PLEKHA8: variants seen among roughly 807,000 people sequenced by gnomAD.
PLEKHA8 encodes the protein pleckstrin homology domain containing A8, also known as pleckstrin homology domain-containing family A member 8.
PLEKHA8 carries 36 observed loss-of-function variants against 68.2 expected under a neutral mutation model. The ratio of observed to expected loss-of-function variants is 0.53; its 90% CI spans 0.40 to 0.70. PLEKHA8 has a LOEUF of 0.70. PLEKHA8 is among the 30% of genes least tolerant of loss of function. The pLI is 0.00. For synonymous variants in PLEKHA8, 211 were observed against 216.1 expected (o/e 0.98, Z 0.20); for missense variants, 505 against 615.4 (o/e 0.82, Z 1.90).
chr7:30,039,653 G>A (rs1791372752), intron 1 of PLEKHA8, among the ~76,000 whole-genome samples: 1 of 152,042 alleles, frequency 6.6e-6, no homozygotes, highest in Non-Finnish European at 1.5e-5. Context: ...AATTTTAATT[G>A]TATGTTAGTC....
At chr7:30,089,139 C>T (rs1032698456), downstream of PLEKHA8, among the ~76,000 whole-genome samples, 2 of 152,296 alleles carry the variant, frequency 1.3e-5, no homozygotes, top group East Asian at 1.9e-4. Flanking sequence ...CTAGTAAAAG[C>T]CTCTATACAC....
Position 30,082,275 on chromosome 7 carries a change from T to A in PLEKHA8, c.*3488T>A. On this transcript the variant is annotated 3_prime_UTR_variant, in exon 14 of 14. Coordinates refer to ENST00000449726, the MANE Select transcript of PLEKHA8 (RefSeq NM_001197026.2). ...CAGCGTTGTTGCTTTTCTCTCTTCTTTGCTACTGAAAATTGCCAGCAGTAC... is the reference window on the plus strand; with the variant it reads ...CAGCGTTGTTGCTTTTCTCTCTTCTATGCTACTGAAAATTGCCAGCAGTAC... The A allele has an allele frequency of 2.0e-6, 2 of 985,524 alleles. No individual in the cohort carries two copies. The highest frequency in any genetic ancestry group is 2.4e-6 in the Non-Finnish European group (2 of 829,980). The allele number at this position is 985,524 out of a possible 1,614,324, so 61.0% of individuals were successfully genotyped here. A position where few individuals can be genotyped will look rare whatever the true frequency, so the allele number is the denominator to read the frequency against.
intron 13 of PLEKHA8, among the ~76,000 whole-genome samples, chr7:30,095,976 T>G (rs989525502): frequency 1.3e-5 from 2 of 152,222 alleles, no homozygotes; most frequent in African/African-American, 4.8e-5. Flanking sequence ...CCAGCTTTGT[T>G]TTTTTGGCTT....
At chr7:30,097,641 C>T (rs1044995863) in intron 13 of PLEKHA8, among the ~76,000 whole-genome samples, 4 of 152,188 alleles carry the variant, frequency 2.6e-5, no homozygotes, top group Admixed American at 6.5e-5. Flanking sequence ...CTTGTGCATT[C>T]GTCACATAGT....
At chr7:30,047,686 T>C in intron 3 of PLEKHA8, 146 bp from the exon 4 acceptor site, 2 of 784,644 alleles carry the variant, frequency 2.5e-6, no homozygotes, top group South Asian at 4.1e-5. Flanking sequence ...CCTGTCACAT[T>C]TGCAACCCAT....
At chr7:30,040,641 G>A (rs1276654549) in intron 1 of PLEKHA8, among the ~76,000 whole-genome samples, 1 of 152,190 alleles carries the variant, frequency 6.6e-6, no homozygotes, top group African/African-American at 2.4e-5. Context: ...CAATGGAAAA[G>A]TACTAGGTAA....
In PLEKHA8 at chr7:30,082,708, A is replaced by G. The variant is rs1290311301; in HGVS notation, c.*3921A>G. On this transcript the variant is annotated 3_prime_UTR_variant, in exon 14 of 14. Transcript: ENST00000449726. ...AAATAAGTAAAGTACATTTTTCTCC[A>G]CTAAATTTGAAGTGAGGGAAAGAGG... 1.0e-6 allele frequency: 1 copy of G among 985,252 alleles called. No individual in the cohort carries two copies. Among genetic ancestry groups the G allele is most frequent in the Non-Finnish European group, 1.2e-6 (1 of 829,762 alleles). The allele number at this position is 985,252 out of a possible 1,614,324, so 61.0% of individuals were successfully genotyped here.
intron 13 of PLEKHA8, among the ~76,000 whole-genome samples, chr7:30,119,439 T>C (rs1020863355): frequency 1.3e-5 from 2 of 152,206 alleles, no homozygotes; most frequent in African/African-American, 4.8e-5. Flanking sequence ...GCAGCTGTTA[T>C]TAAGATTGAG....
At chr7:30,037,710 A>G (rs140447051) in intron 1 of PLEKHA8, among the ~76,000 whole-genome samples, 164 of 152,148 alleles carry the variant, frequency 1.1e-3, no homozygotes, top group East Asian at 8.5e-3. Flanking sequence ...ACTTTTGGCT[A>G]ACTTTTCTAG....
intron 13 of PLEKHA8, among the ~76,000 whole-genome samples, chr7:30,120,277 G>A (rs1487208074): frequency 1.3e-5 from 2 of 152,076 alleles, no homozygotes; most frequent in Non-Finnish European, 2.9e-5. Flanking sequence ...TGAGAATGGG[G>A]CAGCCTCTAG....
intron 1 of PLEKHA8, among the ~76,000 whole-genome samples, chr7:30,040,263 CA>C (rs1394351303): frequency 1.3e-5 from 2 of 152,108 alleles, no homozygotes; most frequent in Non-Finnish European, 2.9e-5. Context: ...GTGGGCTGAT[CA>C]GGGGGTTCAA....
At chr7:30,115,633 CAT>C (rs896536099) in intron 13 of PLEKHA8, among the ~76,000 whole-genome samples, 30 of 151,496 alleles carry the variant, frequency 2.0e-4, no homozygotes, top group African/African-American at 7.0e-4. Flanking sequence ...TACATGTACA[CAT>C]ACATGCACAC....
chr7:30,115,732 G>A lies in PLEKHA8; in HGVS notation c.1363-13534G>A, dbSNP rs1043269789. Reference sequence around the variant, plus strand: ...TACATACGCGCATGCATGCATACACGTATACATGTATACATACGTGCACAT... The same window carrying A: ...TACATACGCGCATGCATGCATACACATATACATGTATACATACGTGCACAT... On this transcript the variant is annotated intron_variant, in intron 13 of 13. Coordinates refer to the PLEKHA8 transcript ENST00000396257. 6.0e-5 allele frequency: 7 copies of A among 116,356 alleles called. 1 individual carries two copies. The highest frequency in any genetic ancestry group is 1.9e-4 in the African/African-American group (6 of 31,420). 7.2% of individuals were successfully genotyped at this position (116,356 alleles called of 1,614,324 possible).
At chr7:30,054,274 TGCAAAAGTGCC>T (rs1409233764) in intron 7 of PLEKHA8, among the ~76,000 whole-genome samples, 1 of 152,192 alleles carries the variant, frequency 6.6e-6, no homozygotes, top group East Asian at 1.9e-4. Context: ...CACAAATGTC[TGCAAAAGTGCC>T]GCATGTATTG....
At chr7:30,052,660 A>AT in intron 6 of PLEKHA8, 49 bp from the exon 7 acceptor site, 1 of 1,384,366 alleles carries the variant, frequency 7.2e-7, no homozygotes, top group Non-Finnish European at 9.5e-7. Context: ...AAAAAAAAAA[A>AT]GACCAAATAA....
chr7:30,053,446 A>G (rs938187278), intron 7 of PLEKHA8, among the ~76,000 whole-genome samples: 1 of 152,206 alleles, frequency 6.6e-6, no homozygotes, highest in Non-Finnish European at 1.5e-5. Flanking sequence ...TGAAAATGAA[A>G]TTAAAATTTC....
intron 1 of PLEKHA8, among the ~76,000 whole-genome samples, chr7:30,036,258 C>T (rs924063829): frequency 6.6e-6 from 1 of 151,486 alleles, no homozygotes; most frequent in Non-Finnish European, 1.5e-5. Flanking sequence ...GGCAACAGAA[C>T]GAGACTCTGT....
chr7:30,083,653 C>T lies in PLEKHA8; in HGVS notation c.*4866C>T. 1 of 985,346 alleles carries T rather than the reference C, an allele frequency of 1.0e-6. No individual in the cohort carries two copies. 61.0% of individuals were successfully genotyped at this position (985,346 alleles called of 1,614,324 possible). ...CCTTTAATTAAAAGGAAAAAAATACCACTACTCTGCAATGCAAAAGTCTTC... is the reference window on the plus strand; with the variant it reads ...CCTTTAATTAAAAGGAAAAAAATACTACTACTCTGCAATGCAAAAGTCTTC... On this transcript the variant is annotated 3_prime_UTR_variant, in exon 14 of 14. Transcript: ENST00000449726.
At chr7:30,122,885 GGA>G (rs140822734) in intron 13 of PLEKHA8, among the ~76,000 whole-genome samples, 1 of 151,940 alleles carries the variant, frequency 6.6e-6, no homozygotes, top group Non-Finnish European at 1.5e-5. Flanking sequence ...AGGAGGGGTG[GGA>G]GAGAGAGAGA....
Sources: allele counts gnomAD v4.1 joint callset (sites outside exome capture counted in the v4.1 genomes callset), GRCh38; gene constraint gnomAD v4.1.1; transcripts MANE v1.5; gene names NCBI Gene and HGNC (gene_info 2026-07-23, HGNC 2026-07-21).